Variants in SCN3A observed in about 807,000 individuals in gnomAD.
SCN3A encodes sodium channel protein type 3 subunit alpha.
A neutral mutation model predicts 187.6 loss-of-function variants in SCN3A; 60 were observed. The observed-to-expected ratio is 0.32, with a 90% CI of 0.26 to 0.40. The LOEUF is 0.40. Among genes scored for constraint, SCN3A ranks in the 10% least tolerant of loss-of-function variants. The pLI, the probability that SCN3A is intolerant of heterozygous loss-of-function variation, is 1.00. For missense variants in SCN3A, 1,601 were observed against 2,428.2 expected, an observed-to-expected ratio of 0.66 and a Z score of 7.16; for synonymous variants, 788 against 829.2, an observed-to-expected ratio of 0.95 and a Z score of 0.85.
intron 1 of SCN3A, among the ~76,000 whole-genome samples, chr2:165,191,877 C>G (rs1186949859): frequency 1.3e-5 from 2 of 151,540 alleles, no homozygotes; most frequent in Non-Finnish European, 2.9e-5. Context: ...TCAATGAATA[C>G]TTTTTTAAAT....
chr2:165,167,334 A>G (rs1384762164), intron 5 of SCN3A, among the ~76,000 whole-genome samples: 1 of 151,818 alleles, frequency 6.6e-6, no homozygotes, highest in Non-Finnish European at 1.5e-5. Flanking sequence ...TGGATTCTCT[A>G]TTACAATAAT....
chr2:165,131,358 A>G lies in SCN3A; in HGVS notation c.2451T>C (p.Tyr817=). ...TATTCCAGCCTTCTTGGAAATAGTA[A>G]TAAGGATCCATGGCAATGATCTTGA... ...MVLKIIAMDP[Y]YYFQEGWNIF... The change falls in exon 16 of 28, where the codon TAT becomes TAC. Residue 817 remains tyrosine (Y), a synonymous_variant. Transcript: ENST00000283254. The G allele has an allele frequency of 1.9e-6, 3 of 1,609,038 alleles. No individual in the cohort carries two copies. The highest frequency in any genetic ancestry group is 2.5e-6 in the Non-Finnish European group (3 of 1,176,942).
intron 18 of SCN3A, among the ~76,000 whole-genome samples, chr2:165,123,840 T>C (rs1284699061): frequency 6.6e-6 from 1 of 152,136 alleles, no homozygotes; most frequent in African/African-American, 2.4e-5. Context: ...AACATGCTGG[T>C]ATTGGCTTTT....
intron 1 of SCN3A, among the ~76,000 whole-genome samples, chr2:165,191,331 T>C (rs1054355705): frequency 6.6e-6 from 1 of 152,052 alleles, no homozygotes; most frequent in Non-Finnish European, 1.5e-5. Flanking sequence ...TTTGAGAACA[T>C]AGAAATCGAA....
chr2:165,142,403 G>A (rs935777432), intron 12 of SCN3A, among the ~76,000 whole-genome samples: 1 of 152,022 alleles, frequency 6.6e-6, no homozygotes, highest in African/African-American at 2.4e-5. Context: ...AATCTTTGTT[G>A]TCCTCTGTCT....
chr2:165,131,503 T>G (rs1319683761), intron 15 of SCN3A, 86 bp from the exon 16 acceptor site: 2 of 825,168 alleles, frequency 2.4e-6, no homozygotes, highest in Non-Finnish European at 3.7e-6. Flanking sequence ...TTAACAGGAA[T>G]AAAAATATCT....
At chr2:165,095,147 G>T (rs770415627) in intron 25 of SCN3A, among the ~76,000 whole-genome samples, 13 of 152,300 alleles carry the variant, frequency 8.5e-5, no homozygotes, top group South Asian at 4.1e-4. Context: ...AGATGTATGG[G>T]TGGTGACTAT....
At chr2:165,175,619 G>A (rs146786333) in intron 3 of SCN3A, among the ~76,000 whole-genome samples, 1 of 151,916 alleles carries the variant, frequency 6.6e-6, no homozygotes, top group African/African-American at 2.4e-5. Flanking sequence ...TAGGTTACTG[G>A]GGGGGAAAGG....
At chr2:165,095,276 G>C (rs760499379) in intron 25 of SCN3A, among the ~76,000 whole-genome samples, 4 of 152,178 alleles carry the variant, frequency 2.6e-5, no homozygotes, top group Non-Finnish European at 4.4e-5. Context: ...AGACCCGTTG[G>C]ATGGGTCCGA....
chr2:165,131,960 C>T (rs1687354338), intron 15 of SCN3A, among the ~76,000 whole-genome samples: 1 of 151,936 alleles, frequency 6.6e-6, no homozygotes, highest in Admixed American at 6.6e-5. Flanking sequence ...CATAGTATTC[C>T]ATGGTGTATA....
chr2:165,115,294 T>TG (rs1003226132), intron 19 of SCN3A, among the ~76,000 whole-genome samples, 161 bp downstream of exon 19: 2 of 151,920 alleles, frequency 1.3e-5, no homozygotes, highest in Non-Finnish European at 2.9e-5. Flanking sequence ...CTCAAACTCC[T>TG]GGGGTCAAGC....
At position 165,112,920 on chromosome 2, in the gene SCN3A, T is replaced by C; in HGVS notation, c.3808A>G (p.Asn1270Asp). 6.2e-7 allele frequency: 1 copy of C among 1,613,596 alleles called. No homozygotes were observed. The highest frequency in any genetic ancestry group is 1.1e-5 in the South Asian group (1 of 91,032). Residue 1270 changes from asparagine (N) to aspartate (D), a missense_variant, in exon 21 of 28, where the codon AAT becomes GAT. Transcript: ENST00000283254. ...AAGAAATCTAGCCAGCACCAGGCAT[T>C]AGTGAAATATGTTTGAAATCCATAA... ...VAYGFQTYFT[N>D]AWCWLDFLIV...
At position 165,091,032 on chromosome 2, in the gene SCN3A, G is replaced by A; in HGVS notation, c.5121C>T (p.Thr1707=). 1 of 1,614,076 alleles carries A rather than the reference G, an allele frequency of 6.2e-7. No homozygotes were observed. Among genetic ancestry groups the A allele is most frequent in the Non-Finnish European group, 8.5e-7 (1 of 1,180,012 alleles). Residue 1707 remains threonine (T), a synonymous_variant, in exon 28 of 28, where the codon ACC becomes ACT. Coordinates refer to ENST00000283254, the MANE Select transcript of SCN3A (RefSeq NM_006922.4). ...CTAGCAATCCATCCCAGCCAGCAGAGGTTGTAATTTGGAACAAGCAGATCA... is the reference window on the plus strand; with the variant it reads ...CTAGCAATCCATCCCAGCCAGCAGAAGTTGTAATTTGGAACAAGCAGATCA... ...NSMICLFQIT[T]SAGWDGLLAP...
intron 18 of SCN3A, among the ~76,000 whole-genome samples, chr2:165,127,075 T>C (rs1048446933): frequency 5.9e-5 from 9 of 152,216 alleles, no homozygotes; most frequent in African/African-American, 2.2e-4. Flanking sequence ...CTACTTTTTT[T>C]TGAGATAGGG....
At chr2:165,191,566 C>T (rs2105970204) in intron 1 of SCN3A, among the ~76,000 whole-genome samples, 1 of 152,226 alleles carries the variant, frequency 6.6e-6, no homozygotes, top group Middle Eastern at 3.4e-3. Context: ...TTCCAGTATG[C>T]TCTTCCTCTA....
chr2:165,129,496 G>A (rs1339315991), intron 17 of SCN3A, among the ~76,000 whole-genome samples: 1 of 152,196 alleles, frequency 6.6e-6, no homozygotes, highest in African/African-American at 2.4e-5. Context: ...TGCAACCTAT[G>A]TCTCTAAGTA....
intron 9 of SCN3A, 68 bp from the exon 10 acceptor site, chr2:165,155,971 TAGGA>T: frequency 6.2e-7 from 1 of 1,600,308 alleles, no homozygotes; most frequent in East Asian, 2.2e-5. Flanking sequence ...ATTTGACTTA[TAGGA>T]ATTTTCAAAA....
At chr2:165,096,414 A>G (rs1685366711) in intron 24 of SCN3A, 53 bp downstream of exon 24, 14 of 1,401,704 alleles carry the variant, frequency 1.0e-5, no homozygotes, top group South Asian at 2.3e-5. Flanking sequence ...ATTACCACCA[A>G]TATTCACCAT....
chr2:165,133,433 C>T (rs1218790750), intron 15 of SCN3A, among the ~76,000 whole-genome samples: 1 of 152,018 alleles, frequency 6.6e-6, no homozygotes, highest in Non-Finnish European at 1.5e-5. Context: ...TGGCTCACTG[C>T]TTCAAGTGAT....
Sources: allele counts gnomAD v4.1 joint callset (sites outside exome capture counted in the v4.1 genomes callset), GRCh38; gene constraint gnomAD v4.1.1; transcripts MANE v1.5; gene names NCBI Gene and HGNC (gene_info 2026-07-23, HGNC 2026-07-21).